The following CARMIL1 variants were observed in gnomAD, a reference collection of about 807,000 sequenced individuals.
CARMIL1 encodes F-actin-uncapping protein LRRC16A.
A neutral mutation model predicts 177.1 loss-of-function variants in CARMIL1; 90 were observed. That is an observed-to-expected ratio of 0.51 (90% CI 0.43 to 0.61). The LOEUF (loss-of-function observed/expected upper bound fraction) is 0.61, where lower values mean the gene tolerates loss of function less well. Among genes scored for constraint, CARMIL1 ranks in the 20% least tolerant of loss-of-function variants. The probability of loss-of-function intolerance (pLI) is 0.00; values close to 1 mark genes in which losing one functional copy is unlikely to be tolerated. For missense variants in CARMIL1, 1,380 were observed against 1,667.0 expected (o/e 0.83, Z 3.00); for synonymous variants, 577 against 606.2 (o/e 0.95, Z 0.71).
At chr6:25,569,169 A>G (rs1465317972) in intron 29 of CARMIL1, among the ~76,000 whole-genome samples, 2 of 152,268 alleles carry the variant, frequency 1.3e-5, no homozygotes, top group Non-Finnish European at 1.5e-5. Context: ...AAAAATAACT[A>G]TCAAAATAAT....
chr6:25,438,515 C>T (rs759328559), intron 5 of CARMIL1, among the ~76,000 whole-genome samples: 26 of 152,198 alleles, frequency 1.7e-4, no homozygotes, highest in Non-Finnish European at 2.9e-4. Context: ...ATGATAACTT[C>T]AACAGACCTA....
At chr6:25,330,311 G>A (rs1456092776) in intron 2 of CARMIL1, among the ~76,000 whole-genome samples, 1 of 152,154 alleles carries the variant, frequency 6.6e-6, no homozygotes, top group African/African-American at 2.4e-5. Context: ...AGGTAGTGAT[G>A]ACAAGAGGGA....
At position 25,594,488 on chromosome 6, in the gene CARMIL1, A is replaced by T. The variant is rs753741915; in HGVS notation, c.3080A>T (p.Asp1027Val). The T allele has an allele frequency of 6.2e-7, 1 of 1,613,538 alleles. No homozygotes were observed. Among genetic ancestry groups the T allele is most frequent in the South Asian group, 1.1e-5 (1 of 91,038 alleles). The change falls in exon 32 of 37, where the codon GAT becomes GTT. Residue 1027 changes from aspartate to valine, a missense_variant. Coordinates refer to ENST00000329474, the MANE Select transcript of CARMIL1 (RefSeq NM_017640.6). ...GLMGRVDEGV[D>V]EFFTKKVTKM... Reference sequence around the variant, plus strand: ...ATGGGGAGAGTGGATGAAGGTGTAGATGAATTTTTTACCAAGAAGGTGACC... The same window carrying T: ...ATGGGGAGAGTGGATGAAGGTGTAGTTGAATTTTTTACCAAGAAGGTGACC...
intron 29 of CARMIL1, among the ~76,000 whole-genome samples, chr6:25,570,906 T>C (rs1421984520): frequency 6.6e-6 from 1 of 152,224 alleles, no homozygotes; most frequent in East Asian, 1.9e-4. Flanking sequence ...TTCCTAGGCT[T>C]GCAAAGGAAT....
At chr6:25,466,446 T>C (rs1800603137) in intron 9 of CARMIL1, among the ~76,000 whole-genome samples, 1 of 152,204 alleles carries the variant, frequency 6.6e-6, no homozygotes, top group Non-Finnish European at 1.5e-5. Context: ...GTGAAATCTG[T>C]TTTCATAAGA....
intron 4 of CARMIL1, chr6:25,433,251 GTTAAGA>G (rs1796965137): frequency 6.6e-6 from 1 of 152,174 alleles, no homozygotes; most frequent in African/African-American, 2.4e-5. Context: ...ATGATTAGGT[GTTAAGA>G]TTAAGTGGAA....
At chr6:25,301,232 G>T (rs1476434938) in intron 2 of CARMIL1, among the ~76,000 whole-genome samples, 1 of 151,886 alleles carries the variant, frequency 6.6e-6, no homozygotes, top group African/African-American at 2.4e-5. Context: ...ACAGCAAAAG[G>T]CATGAGGAAT....
At chr6:25,417,479 G>A (rs528603284) in intron 2 of CARMIL1, among the ~76,000 whole-genome samples, 1 of 152,232 alleles carries the variant, frequency 6.6e-6, no homozygotes, top group East Asian at 1.9e-4. Context: ...GCTCTCCAGG[G>A]CATACTTGGA....
At chr6:25,573,863 C>T (rs1329094532) in intron 29 of CARMIL1, among the ~76,000 whole-genome samples, 2 of 152,088 alleles carry the variant, frequency 1.3e-5, no homozygotes, top group South Asian at 2.1e-4. Flanking sequence ...TGATAAAGAA[C>T]ATGAAGAGGA....
chr6:25,322,340 C>T (rs554065884), intron 2 of CARMIL1, among the ~76,000 whole-genome samples: 1 of 151,996 alleles, frequency 6.6e-6, no homozygotes, highest in Admixed American at 6.5e-5. Flanking sequence ...CCAGGCTAGT[C>T]TCAAACTCCT....
chr6:25,608,376 A>G (rs1231044772), intron 35 of CARMIL1, among the ~76,000 whole-genome samples: 3 of 152,150 alleles, frequency 2.0e-5, no homozygotes, highest in Non-Finnish European at 2.9e-5. Flanking sequence ...AAGCTTTATT[A>G]TAGGTGTGTG....
intron 12 of CARMIL1, among the ~76,000 whole-genome samples, chr6:25,485,041 C>T (rs564198050): frequency 2.0e-4 from 31 of 151,906 alleles, no homozygotes; most frequent in South Asian, 1.7e-3. Flanking sequence ...TCTCTTAAAA[C>T]GAAAACAAAA....
At chr6:25,359,495 CAGCAG>C (rs1386303083) in intron 2 of CARMIL1, among the ~76,000 whole-genome samples, 1 of 152,210 alleles carries the variant, frequency 6.6e-6, no homozygotes, top group Non-Finnish European at 1.5e-5. Context: ...AGAAGACACT[CAGCAG>C]AGCGTAACTT....
chr6:25,388,954 A>G (rs1792467389), intron 2 of CARMIL1, among the ~76,000 whole-genome samples: 1 of 151,920 alleles, frequency 6.6e-6, no homozygotes, highest in South Asian at 2.1e-4. Flanking sequence ...AAGTGCTGAG[A>G]TTACAGACAT....
rs1457879439 is a variant in CARMIL1 at position 25,509,207 on chromosome 6, ACAAT to A, written c.1396-445_1396-442del. Among the ~76,000 whole-genome samples the A allele has an allele frequency of 6.6e-6, 1 of 152,206 alleles. No homozygotes were observed. Among genetic ancestry groups the A allele is most frequent in the Non-Finnish European group, 1.5e-5 (1 of 68,038 alleles). ...GGATGGGTCCTTCCTAAAATGTTTG[ACAAT>A]CAAAGTAAGTCTTCATTGTCTCCTT... On this transcript the variant is annotated intron_variant, in intron 17 of 36. Transcript: ENST00000329474. This position sits in a 1 kb window ranked among gnomAD's most constrained non-coding sequence, Gnocchi z 4.1.
chr6:25,564,080 T>G (rs896837110), intron 29 of CARMIL1, among the ~76,000 whole-genome samples: 2 of 152,220 alleles, frequency 1.3e-5, no homozygotes, highest in Non-Finnish European at 2.9e-5. Flanking sequence ...TTGTTTCAGT[T>G]ATACATACAT....
At chr6:25,330,647 C>T (rs186302390) in intron 2 of CARMIL1, among the ~76,000 whole-genome samples, 1 of 150,632 alleles carries the variant, frequency 6.6e-6, no homozygotes, top group Non-Finnish European at 1.5e-5. Context: ...CGAGACCAGC[C>T]TGGGCAACAT....
chr6:25,587,314 A>G (rs1009584194), intron 31 of CARMIL1, among the ~76,000 whole-genome samples: 3 of 152,172 alleles, frequency 2.0e-5, no homozygotes, highest in Non-Finnish European at 2.9e-5. Context: ...TGCTTAGCCC[A>G]TAGAATTTAA....
In CARMIL1 at chr6:25,476,389, C is replaced by T. The variant is rs534026811; in HGVS notation, c.874+3868C>T. Among the ~76,000 whole-genome samples, 11 of 152,278 alleles carry T rather than the reference C, an allele frequency of 7.2e-5. 1 individual carries two copies. The East Asian group carries it at 1.2e-3, about 16-fold the overall frequency. Reference sequence around the variant, plus strand: ...AATTTTGACATCCTGGAAATATTTTCGCAGACCAAGACTTTTCTCATTTCT... The same window carrying T: ...AATTTTGACATCCTGGAAATATTTTTGCAGACCAAGACTTTTCTCATTTCT... On this transcript the variant is annotated intron_variant, in intron 11 of 36. Transcript: ENST00000329474.
Sources: gnomAD v4.1 joint callset for allele counts (sites outside exome capture counted in the v4.1 genomes callset) on GRCh38, gnomAD v4.1.1 for gene constraint, Gnocchi (gnomAD v3.1) non-coding constraint, MANE v1.5 for transcripts, NCBI Gene and HGNC (gene_info 2026-07-23, HGNC 2026-07-21) for gene names.